LARP1: variants seen among roughly 807,000 people sequenced by gnomAD.
LARP1 encodes La ribonucleoprotein 1, translational regulator, also known as la-related protein 1.
In LARP1, 36 loss-of-function variants were observed where a neutral mutation model predicts 122.7. The observed-to-expected ratio is 0.29, with a 90% CI of 0.22 to 0.39. The LOEUF is 0.39. Ranked by LOEUF, LARP1 falls within the 10% of genes least tolerant of loss-of-function variation. The probability of loss-of-function intolerance (pLI) is 1.00; values close to 1 mark genes in which losing one functional copy is unlikely to be tolerated. For synonymous variants in LARP1, 539 were observed against 528.7 expected, an observed-to-expected ratio of 1.02 and a Z score of -0.27; for missense variants, 1,040 against 1,403.6, an observed-to-expected ratio of 0.74 and a Z score of 4.14.
At chr5:154,813,269 C>T in intron 18 of LARP1, among the ~76,000 whole-genome samples, 1 of 152,064 alleles carries the variant, frequency 6.6e-6, no homozygotes. Flanking sequence ...ATAAGTAGAC[C>T]TATTAGGGTG....
chr5:154,804,627 T>G (rs966391191), intron 14 of LARP1: 1 of 394,900 alleles, frequency 2.5e-6, no homozygotes, highest in African/African-American at 2.1e-5. Flanking sequence ...TAAACAGATT[T>G]CTGGCAGTCT....
chr5:154,779,582 C>T (rs1561595235), intron 1 of LARP1, among the ~76,000 whole-genome samples: 2 of 148,860 alleles, frequency 1.3e-5, no homozygotes, highest in African/African-American at 5.0e-5. Context: ...AATCTCGGCT[C>T]ACCGCAACCT....
intron 14 of LARP1, 79 bp downstream of exon 14, chr5:154,804,386 A>T: frequency 9.5e-7 from 1 of 1,051,584 alleles, no homozygotes; most frequent in Non-Finnish European, 1.5e-6. Flanking sequence ...CTGGACCAAG[A>T]AGATTGGTCT....
intron 1 of LARP1, chr5:154,729,490 GC>G: frequency 2.5e-6 from 1 of 397,166 alleles, no homozygotes; most frequent in East Asian, 6.8e-5. Context: ...GAATTAATCT[GC>G]CTATTGAGCA....
chr5:154,809,792 A>C (rs1176127347), intron 16 of LARP1, among the ~76,000 whole-genome samples: 1 of 135,212 alleles, frequency 7.4e-6, no homozygotes, highest in East Asian at 2.1e-4. Context: ...CTCCACCTCC[A>C]CCTCCCGGGT....
rs767164694 is a variant in LARP1 at position 154,794,191 on chromosome 5, T to C, written c.1161T>C (p.Phe387=). Residue 387 remains phenylalanine (F), a synonymous_variant, in exon 7 of 19, where the codon TTT becomes TTC. Coordinates refer to ENST00000518297, the MANE Select transcript of LARP1 (RefSeq NM_033551.3). ...PKYMNNITYY[F]DNVSSTELYS... ...ACATGAACAACATCACCTACTACTT[T>C]GACAATGTCAGCAGCACCGAGCTTT... is the stretch of plus-strand genomic sequence containing the variant. 1 of 1,614,194 alleles carries C rather than the reference T, an allele frequency of 6.2e-7. No individual in the cohort carries two copies. The highest frequency in any genetic ancestry group is 8.5e-7 in the Non-Finnish European group (1 of 1,180,030).
At chr5:154,768,616 CTG>C (rs1561583041) in intron 1 of LARP1, among the ~76,000 whole-genome samples, 1 of 152,146 alleles carries the variant, frequency 6.6e-6, no homozygotes, top group Non-Finnish European at 1.5e-5. Context: ...AAGTCTCACT[CTG>C]TTGCCCAAGC....
chr5:154,777,630 T>A (rs567171995), intron 1 of LARP1, among the ~76,000 whole-genome samples: 120 of 152,308 alleles, frequency 7.9e-4, no homozygotes, highest in African/African-American at 2.8e-3. Context: ...TAAAGATTTT[T>A]TAAAATGGCA....
At chr5:154,709,621 T>G (rs901246269), upstream of LARP1, among the ~76,000 whole-genome samples, 2 of 149,522 alleles carry the variant, frequency 1.3e-5, no homozygotes, top group Non-Finnish European at 3.0e-5. Flanking sequence ...TTTTTTTTTT[T>G]TTTTACTCAT....
At position 154,733,211 on chromosome 5, in the gene LARP1, A is replaced by G. The variant is rs184638830; in HGVS notation, c.205+20081A>G. 8.6e-3 allele frequency among the ~76,000 whole-genome samples: 1,312 copies of G among 152,326 alleles called. 14 individuals carry two copies. The highest frequency in any genetic ancestry group is 0.03 in the African/African-American group (1,248 of 41,566). On this transcript the variant is annotated intron_variant, in intron 1 of 18. Transcript: ENST00000336314. ...ATTGTTTGACCAATTTAAGTAACAC[A>G]TACATTATAAATTCGTGGCTATTGA...
chr5:154,689,217 G>C (rs1218899061), intron 1 of LARP1, among the ~76,000 whole-genome samples: 5 of 152,204 alleles, frequency 3.3e-5, no homozygotes, highest in African/African-American at 1.2e-4. Context: ...ACTCTGGGAG[G>C]CCTAGGCGGG....
rs911631007 is a variant in LARP1, at chr5:154,756,162, C to T, written c.405C>T (p.Val135=). 3.0e-6 allele frequency: 4 copies of T among 1,315,626 alleles called. No homozygotes were observed. The highest frequency in any genetic ancestry group is 1.6e-5 in the African/African-American group (1 of 63,370). 81.5% of individuals were successfully genotyped at this position (1,315,626 alleles called of 1,614,324 possible). A position where few individuals can be genotyped will look rare whatever the true frequency, so the allele number is the denominator to read the frequency against. ...GGACTAAGAACGCATTGCCGCCGGT[C>T]CTGACCACCGTGAACGGACAGTCCC... is the stretch of plus-strand genomic sequence containing the variant. The part of the protein sequence containing the change: ...NPWTKNALPP[V]LTTVNGQSPP... Residue 135 remains valine, a synonymous_variant, in exon 1 of 19, where the codon GTC becomes GTT. Coordinates refer to ENST00000518297, the MANE Select transcript of LARP1 (RefSeq NM_033551.3).
chr5:154,694,079 A>T (rs1187029193), intron 1 of LARP1, among the ~76,000 whole-genome samples: 1 of 152,160 alleles, frequency 6.6e-6, no homozygotes, highest in Non-Finnish European at 1.5e-5. Context: ...ACAGTTTATA[A>T]GACAACTGCC....
At chr5:154,791,476 T>C (rs1757350880) in intron 3 of LARP1, among the ~76,000 whole-genome samples, 1 of 152,216 alleles carries the variant, frequency 6.6e-6, no homozygotes, top group Non-Finnish European at 1.5e-5. Context: ...CCCAAAGTGC[T>C]GGGATTATAG....
intron 1 of LARP1, among the ~76,000 whole-genome samples, chr5:154,739,013 T>C (rs1757072115): frequency 6.6e-6 from 1 of 151,842 alleles, no homozygotes. Flanking sequence ...GGACAGTTTT[T>C]GTTTGTTTGT....
chr5:154,808,530 C>T lies in LARP1; in HGVS notation c.2770C>T (p.Arg924Ter). The change falls in exon 16 of 19, where the codon CGA becomes TGA. Residue 924 changes from arginine (R) to a stop codon, truncating the protein, a stop_gained. Transcript: ENST00000518297. LOFTEE classifies it high-confidence loss of function. ...TLFRFWSFFLRDHFNKKMYEE... is the reference protein window; with the variant it reads ...TLFRFWSFFL ...CTTCCGCTTCTGGTCCTTCTTCCTC[C>T]GAGATCACTTCAACAAAAAGATGTA... The T allele has an allele frequency of 1.2e-6, 2 of 1,613,942 alleles. No individual in the cohort carries two copies. Among genetic ancestry groups the T allele is most frequent in the Non-Finnish European group, 1.7e-6 (2 of 1,180,000 alleles).
At position 154,795,259 on chromosome 5, in the gene LARP1, C is replaced by T. The variant is rs751901420; in HGVS notation, c.1317C>T (p.Thr439=). 2.5e-6 allele frequency: 4 copies of T among 1,614,002 alleles called. No homozygotes were observed. The highest frequency in any genetic ancestry group is 4.5e-5 in the East Asian group (2 of 44,886). Residue 439 remains threonine, a synonymous_variant, in exon 8 of 19, where the codon ACC becomes ACT. Transcript: ENST00000518297. ...KMDADGFLPI[T]LIASFHRVQA... ...ATGCTGATGGTTTCCTACCCATCAC[C>T]CTTATTGCTTCCTTCCACCGAGTGC...
At chr5:154,767,091 T>C (rs929688669) in intron 1 of LARP1, among the ~76,000 whole-genome samples, 3 of 152,114 alleles carry the variant, frequency 2.0e-5, no homozygotes, top group African/African-American at 7.2e-5. Flanking sequence ...AGAAGTAAAA[T>C]GGGGTAGTTG....
chr5:154,799,008 C>T (rs760001097), intron 8 of LARP1, among the ~76,000 whole-genome samples: 3 of 152,180 alleles, frequency 2.0e-5, no homozygotes, highest in Admixed American at 1.3e-4. Flanking sequence ...GGACTATAGG[C>T]GTGTGCCACC....
Sources: allele counts gnomAD v4.1 joint callset (sites outside exome capture counted in the v4.1 genomes callset), GRCh38; gene constraint gnomAD v4.1.1; transcripts MANE v1.5; gene names NCBI Gene and HGNC (gene_info 2026-07-23, HGNC 2026-07-21).